BRD10: variants seen among roughly 807,000 people sequenced by gnomAD.
BRD10 encodes bromodomain containing 10, also known as uncharacterized bromodomain-containing protein 10.
the BRD10 span, among the ~76,000 whole-genome samples, chr9:5,982,917 T>C: frequency 6.6e-6 from 1 of 152,196 alleles, no homozygotes; most frequent in Non-Finnish European, 1.5e-5. Flanking sequence ...AACAGAAATC[T>C]ATATTGTATT....
the BRD10 span, among the ~76,000 whole-genome samples, chr9:5,959,427 T>C: frequency 8.5e-3 from 1,293 of 152,332 alleles, 21 homozygotes; most frequent in African/African-American, 0.03. Context: ...AATAGTAATA[T>C]TTATTTTTTG....
At chr9:5,913,345 A>G in the BRD10 span, among the ~76,000 whole-genome samples, 7 of 152,238 alleles carry the variant, frequency 4.6e-5, no homozygotes, top group Non-Finnish European at 8.8e-5. Flanking sequence ...CTAAACTTTC[A>G]TTTCACAGTT....
At chr9:5,931,049 G>C in the BRD10 span, among the ~76,000 whole-genome samples, 1 of 152,250 alleles carries the variant, frequency 6.6e-6, no homozygotes, top group Non-Finnish European at 1.5e-5. Context: ...AGATATGATA[G>C]TAGGGAGACT....
At chr9:5,968,173 T>C in the BRD10 span, 1 of 1,608,030 alleles carries the variant, frequency 6.2e-7, no homozygotes, top group Non-Finnish European at 8.5e-7. Context: ...TTTTTTTCTT[T>C]TTCTTCTTTT....
At chr9:5,899,272 G>C in the BRD10 span, 2 of 152,188 alleles carry the variant, frequency 1.3e-5, no homozygotes, top group African/African-American at 4.8e-5. Flanking sequence ...AAGAGAGGAG[G>C]GTTGGTGTGG....
the BRD10 span, among the ~76,000 whole-genome samples, chr9:5,935,290 A>G: frequency 1.3e-5 from 2 of 152,228 alleles, no homozygotes; most frequent in Admixed American, 6.5e-5. Context: ...CATTTCCATT[A>G]TATTTCTAAA....
At chr9:5,964,176 C>T in the BRD10 span, among the ~76,000 whole-genome samples, 1 of 148,538 alleles carries the variant, frequency 6.7e-6, no homozygotes, top group Non-Finnish European at 1.5e-5. Flanking sequence ...GGCTAATATC[C>T]AGAATCTACA....
At chr9:5,919,872 G>A in the BRD10 span, 12 of 1,613,818 alleles carry the variant, frequency 7.4e-6, no homozygotes, top group African/African-American at 1.3e-5. Flanking sequence ...TTTTTGACAG[G>A]TGGGTCCAAA....
the BRD10 span, chr9:5,969,143 G>A: frequency 3.1e-6 from 5 of 1,613,920 alleles, no homozygotes; most frequent in Non-Finnish European, 4.2e-6. Context: ...ATAAGGCAAA[G>A]TAGGTCTTCG....
chr9:5,946,214 T>G, the BRD10 span, among the ~76,000 whole-genome samples: 1 of 152,004 alleles, frequency 6.6e-6, no homozygotes, highest in Admixed American at 6.6e-5. Context: ...TAAGAAAAAA[T>G]GATCACAGAT....
the BRD10 span, chr9:6,007,385 G>A: frequency 6.2e-7 from 1 of 1,611,540 alleles, no homozygotes; most frequent in Non-Finnish European, 8.5e-7. Context: ...CACATGCCCT[G>A]TCCGGGCTGC....
chr9:6,007,257 C>A, the BRD10 span: 15 of 1,613,824 alleles, frequency 9.3e-6, no homozygotes, highest in African/African-American at 1.3e-5. Flanking sequence ...GTTTGGAGAT[C>A]CAGTGGTCCA....
chr9:5,889,392 T>C, the BRD10 span, among the ~76,000 whole-genome samples: 1 of 152,234 alleles, frequency 6.6e-6, no homozygotes, highest in African/African-American at 2.4e-5. Flanking sequence ...CAAGAGTTCA[T>C]CGAATCTTGA....
At chr9:5,914,379 T>C in the BRD10 span, among the ~76,000 whole-genome samples, 3 of 149,542 alleles carry the variant, frequency 2.0e-5, no homozygotes, top group East Asian at 2.0e-4. Context: ...AGAATTACAA[T>C]TCCTAAGATG....
At chr9:5,975,353 C>T in the BRD10 span, among the ~76,000 whole-genome samples, 2 of 143,618 alleles carry the variant, frequency 1.4e-5, no homozygotes, top group African/African-American at 2.6e-5. Context: ...GCAGAAGAAT[C>T]GCTTGAACCT....
chr9:5,967,694 G>GAAAAAAAA, the BRD10 span, among the ~76,000 whole-genome samples: 1 of 123,730 alleles, frequency 8.1e-6, no homozygotes, highest in Non-Finnish European at 1.6e-5. Context: ...CCCTTAGCCT[G>GAAAAAAAA]AAAAAAAAAA....
chr9:5,977,277 T>A, the BRD10 span, among the ~76,000 whole-genome samples: 1 of 152,182 alleles, frequency 6.6e-6, no homozygotes, highest in Non-Finnish European at 1.5e-5. Context: ...TCATACACTG[T>A]ACCTTTCAGG....
the BRD10 span, among the ~76,000 whole-genome samples, chr9:5,889,698 T>C: frequency 4.6e-5 from 7 of 152,164 alleles, no homozygotes; most frequent in African/African-American, 1.7e-4. Context: ...GGCAGGAGAA[T>C]TGCTTGAACC....
the BRD10 span, among the ~76,000 whole-genome samples, chr9:5,901,545 G>T: frequency 6.6e-6 from 1 of 151,796 alleles, no homozygotes; most frequent in Non-Finnish European, 1.5e-5. Flanking sequence ...TTGAGATGGG[G>T]TCTCATTCTG....
Sources: allele counts gnomAD v4.1 joint callset (sites outside exome capture counted in the v4.1 genomes callset), GRCh38; gene constraint gnomAD v4.1.1; transcripts MANE v1.5; gene names NCBI Gene and HGNC (gene_info 2026-07-23, HGNC 2026-07-21).